Variants in FHOD3 observed in about 807,000 individuals in gnomAD.
FHOD3 encodes the protein formin homology 2 domain containing 3.
A neutral mutation model predicts 173.0 loss-of-function variants in FHOD3; 90 were observed. The observed-to-expected ratio is 0.52, with a 90% confidence interval of 0.44 to 0.62. FHOD3 has a LOEUF of 0.62. FHOD3 is among the 20% of genes least tolerant of loss of function. The probability of loss-of-function intolerance (pLI) is 0.00; values close to 1 mark genes in which losing one functional copy is unlikely to be tolerated. For synonymous variants in FHOD3, 828 were observed against 823.0 expected (o/e 1.01, Z -0.10); for missense variants, 1,945 against 2,034.7 (o/e 0.96, Z 0.85).
At chr18:36,435,726 G>A (rs2050777703) in intron 3 of FHOD3, among the ~76,000 whole-genome samples, 1 of 152,166 alleles carries the variant, frequency 6.6e-6, no homozygotes, top group Admixed American at 6.5e-5. Context: ...AGAATGCACA[G>A]ATTTGCTAAG....
At position 36,691,884 on chromosome 18, in the gene FHOD3, A is replaced by G. The variant is rs980182044; in HGVS notation, c.2022-1325A>G. 2.6e-5 allele frequency among the ~76,000 whole-genome samples: 4 copies of G among 152,244 alleles called. No individual in the cohort carries two copies. The South Asian group carries it at 8.3e-4, about 32-fold the overall frequency. ...GAGGATGGTAATCTTCCTGTTCATGAAAATCCTATTATTTGCTTTTTGAAA... is the reference window on the plus strand; with the variant it reads ...GAGGATGGTAATCTTCCTGTTCATGGAAATCCTATTATTTGCTTTTTGAAA... On this transcript the variant is annotated intron_variant, in intron 16 of 28. Coordinates refer to ENST00000590592, the MANE Select transcript of FHOD3 (RefSeq NM_001281740.3).
intron 28 of FHOD3, among the ~76,000 whole-genome samples, chr18:36,777,478 C>A (rs1470746692): frequency 6.6e-6 from 1 of 152,106 alleles, no homozygotes; most frequent in Non-Finnish European, 1.5e-5. Flanking sequence ...CAGGTGTGAG[C>A]CACTGTGCCC....
chr18:36,378,665 G>A (rs941726372), intron 3 of FHOD3, among the ~76,000 whole-genome samples: 16 of 144,424 alleles, frequency 1.1e-4, no homozygotes, highest in Admixed American at 1.1e-3. Context: ...TAACATACAT[G>A]AGAGTGTAGT....
chr18:36,470,991 G>C (rs1407005938), intron 3 of FHOD3, among the ~76,000 whole-genome samples: 2 of 152,216 alleles, frequency 1.3e-5, no homozygotes, highest in African/African-American at 4.8e-5. Flanking sequence ...CTCCTCTAGA[G>C]CAGAGACCTC....
At chr18:36,692,323 A>T (rs1212563991) in intron 16 of FHOD3, among the ~76,000 whole-genome samples, 2 of 152,240 alleles carry the variant, frequency 1.3e-5, no homozygotes, top group African/African-American at 4.8e-5. Flanking sequence ...CGTCTTGAGT[A>T]AGCTGTTCCA....
intron 5 of FHOD3, among the ~76,000 whole-genome samples, chr18:36,552,549 A>C (rs2057703856): frequency 6.8e-6 from 1 of 146,792 alleles, no homozygotes; most frequent in Non-Finnish European, 1.5e-5. Flanking sequence ...CCCAGGCTGG[A>C]GTGCAGTGGC....
At chr18:36,508,358 AAGGCACC>A (rs2055424696) in intron 4 of FHOD3, among the ~76,000 whole-genome samples, 1 of 152,126 alleles carries the variant, frequency 6.6e-6, no homozygotes, top group African/African-American at 2.4e-5. Flanking sequence ...GAAACACCAA[AAGGCACC>A]AGAGCTCCTT....
intron 17 of FHOD3, among the ~76,000 whole-genome samples, chr18:36,694,226 A>G (rs1439484465): frequency 6.6e-6 from 1 of 152,250 alleles, no homozygotes; most frequent in Non-Finnish European, 1.5e-5. Context: ...GACTTAGCCA[A>G]TTGAAGACAG....
At chr18:36,507,904 T>C (rs1250630343) in intron 4 of FHOD3, among the ~76,000 whole-genome samples, 3 of 152,154 alleles carry the variant, frequency 2.0e-5, no homozygotes, top group African/African-American at 7.2e-5. Flanking sequence ...AGCCTGCCTA[T>C]TGTCTCCATT....
chr18:36,309,578 T>A (rs1351639313), intron 1 of FHOD3, among the ~76,000 whole-genome samples: 5 of 152,156 alleles, frequency 3.3e-5, no homozygotes, highest in Non-Finnish European at 7.3e-5. Flanking sequence ...GACCGCAGCT[T>A]CTGTGAATCA....
intron 8 of FHOD3, among the ~76,000 whole-genome samples, chr18:36,607,521 T>C (rs2032211684): frequency 6.6e-6 from 1 of 152,216 alleles, no homozygotes; most frequent in Admixed American, 6.5e-5. Flanking sequence ...CTTCTATCCA[T>C]ACTATAATCC....
intron 24 of FHOD3, 22 bp from the exon 25 acceptor site, chr18:36,755,097 T>C: frequency 3.9e-6 from 6 of 1,521,538 alleles, no homozygotes; most frequent in Non-Finnish European, 5.3e-6. Flanking sequence ...AAGTCATTGC[T>C]ATTACTGTTT....
intron 14 of FHOD3, among the ~76,000 whole-genome samples, chr18:36,673,562 T>C (rs956060574): frequency 2.6e-5 from 4 of 152,122 alleles, no homozygotes; most frequent in African/African-American, 9.7e-5. Flanking sequence ...CTGACAGTAG[T>C]GAACACTCCC....
At chr18:36,364,396 G>A (rs1434258760) in intron 2 of FHOD3, among the ~76,000 whole-genome samples, 1 of 152,158 alleles carries the variant, frequency 6.6e-6, no homozygotes, top group East Asian at 1.9e-4. Flanking sequence ...GACGAAGGGA[G>A]TGCACGCCCA....
chr18:36,359,826 G>A (rs1261974355), intron 2 of FHOD3, among the ~76,000 whole-genome samples: 1 of 152,172 alleles, frequency 6.6e-6, no homozygotes, highest in Non-Finnish European at 1.5e-5. Flanking sequence ...TTGTTTCGAA[G>A]TAAAATATGA....
rs544890434 is a variant in FHOD3, at chr18:36,658,242, A to G, written c.1835+54A>G. The G allele has an allele frequency of 5.1e-4, 646 of 1,273,000 alleles. 13 individuals are homozygous for G. The South Asian group carries it at 8.6e-3, about 17-fold the overall frequency. The allele number at this position is 1,273,000 out of a possible 1,614,324, so 78.9% of individuals were successfully genotyped here. ...CACAGTCCTCAAGTGAGGGGAATCA[A>G]TTTGGTTAAGTGTGGTTAAAGGAAA... On this transcript the variant is annotated intron_variant, in intron 14 of 28. Transcript: ENST00000590592.
intron 10 of FHOD3, among the ~76,000 whole-genome samples, chr18:36,647,809 G>C (rs576609138): frequency 1.3e-5 from 2 of 152,306 alleles, no homozygotes; most frequent in African/African-American, 2.4e-5. Flanking sequence ...TTGAACAAAA[G>C]CTAGGCAGAT....
chr18:36,531,048 C>T (rs1398581159), intron 5 of FHOD3, among the ~76,000 whole-genome samples: 1 of 152,176 alleles, frequency 6.6e-6, no homozygotes, highest in African/African-American at 2.4e-5. Context: ...TGGCTGGACA[C>T]AGGATGTTAG....
chr18:36,548,950 A>G (rs1002642234), intron 5 of FHOD3, among the ~76,000 whole-genome samples: 1 of 152,228 alleles, frequency 6.6e-6, no homozygotes, highest in Admixed American at 6.5e-5. Flanking sequence ...CTAAAATGAA[A>G]TTGTTGAATC....
Sources: gnomAD v4.1 joint callset for allele counts (sites outside exome capture counted in the v4.1 genomes callset) on GRCh38, gnomAD v4.1.1 for gene constraint, MANE v1.5 for transcripts, NCBI Gene and HGNC (gene_info 2026-07-23, HGNC 2026-07-21) for gene names.